The following TRAPPC9 variants were observed in gnomAD, a reference collection of about 807,000 sequenced individuals.
TRAPPC9 encodes the protein trafficking protein particle complex subunit 9.
Under a neutral mutation model 124.0 loss-of-function variants are expected in TRAPPC9, and 83 were observed. That is an observed-to-expected ratio of 0.67 (90% CI 0.56 to 0.80). TRAPPC9 has a LOEUF of 0.80. TRAPPC9 is among the 30% of genes least tolerant of loss of function. The pLI, the probability that TRAPPC9 is intolerant of heterozygous loss-of-function variation, is 0.00. For missense variants in TRAPPC9, 1,302 were observed against 1,508.3 expected (o/e 0.86, Z 2.27); for synonymous variants, 638 against 617.5 (o/e 1.03, Z -0.49).
chr8:139,817,045 A>AATACACACACACACACACACACACAC (rs1824887869), intron 21 of TRAPPC9, among the ~76,000 whole-genome samples: 1 of 135,288 alleles, frequency 7.4e-6, no homozygotes, highest in African/African-American at 2.9e-5. Context: ...ACATAAACTA[A>AATACACACACACACACACACACACAC]ACACACACAC....
chr8:140,230,890 CG>C (rs1272299904), intron 16 of TRAPPC9, among the ~76,000 whole-genome samples: 16 of 152,264 alleles, frequency 1.1e-4, no homozygotes, highest in African/African-American at 3.6e-4. Context: ...CCCTCTTCTG[CG>C]GAAATCATCA....
In TRAPPC9 at chr8:139,729,134, T is replaced by A. The variant is rs554389089; in HGVS notation, c.*1927A>T. 3.9e-5 allele frequency among the ~76,000 whole-genome samples: 6 copies of A among 152,346 alleles called. No individual in the cohort carries two copies. The South Asian group carries it at 1.2e-3, about 32-fold the overall frequency. On this transcript the variant is annotated 3_prime_UTR_variant, in exon 23 of 23. Coordinates refer to ENST00000438773, the MANE Select transcript of TRAPPC9 (RefSeq NM_001160372.4). ...AGCACCCTCATGCTGACATCAGATG[T>A]CAAATGCAACTCCAGTTCAGGTCAC...
chr8:140,359,854 G>T (rs910606946), intron 9 of TRAPPC9, among the ~76,000 whole-genome samples, 196 bp downstream of exon 9: 2 of 152,146 alleles, frequency 1.3e-5, no homozygotes, highest in Non-Finnish European at 2.9e-5. Flanking sequence ...GCGGGAGGAG[G>T]TGGCACAGGT....
At chr8:140,154,495 C>T (rs1353975012) in intron 17 of TRAPPC9, among the ~76,000 whole-genome samples, 1 of 152,172 alleles carries the variant, frequency 6.6e-6, no homozygotes, top group African/African-American at 2.4e-5. Context: ...ATCAATAATA[C>T]CCAACCCCAC....
At chr8:140,000,149 T>C (rs1439654831) in intron 18 of TRAPPC9, among the ~76,000 whole-genome samples, 1 of 152,294 alleles carries the variant, frequency 6.6e-6, no homozygotes, top group East Asian at 1.9e-4. Context: ...CCCTATTTAA[T>C]AAGTGGTGCT....
At chr8:140,413,369 C>A (rs1290384657) in intron 5 of TRAPPC9, among the ~76,000 whole-genome samples, 1 of 151,936 alleles carries the variant, frequency 6.6e-6, no homozygotes, top group African/African-American at 2.4e-5. Context: ...GCCTGGGCAA[C>A]AAAAGCGAGA....
chr8:140,404,772 G>A lies in TRAPPC9; in HGVS notation c.1008+805C>T, dbSNP rs149121769. ...CATGTGTGTACGTGCATGTGTGTGC[G>A]TGTGTGAGCATGCTTGTATGTATGT... is the stretch of plus-strand genomic sequence containing the variant. On this transcript the variant is annotated intron_variant, in intron 6 of 22. Coordinates refer to ENST00000438773, the MANE Select transcript of TRAPPC9 (RefSeq NM_001160372.4). Among the ~76,000 whole-genome samples the A allele has an allele frequency of 1.8e-3, 281 of 152,046 alleles. 2 individuals are homozygous for A. Among genetic ancestry groups the A allele is most frequent in the African/African-American group, 6.4e-3 (267 of 41,466 alleles).
At chr8:139,844,075 G>A (rs992095909) in intron 21 of TRAPPC9, among the ~76,000 whole-genome samples, 7 of 152,114 alleles carry the variant, frequency 4.6e-5, no homozygotes, top group Non-Finnish European at 7.4e-5. Context: ...AGGCTTCAGC[G>A]GCTTCCCAGA....
intron 21 of TRAPPC9, among the ~76,000 whole-genome samples, chr8:139,766,368 C>A (rs1467433205): frequency 6.6e-6 from 1 of 152,212 alleles, no homozygotes; most frequent in African/African-American, 2.4e-5. Flanking sequence ...TGCAGTAATG[C>A]CCCCAGGCTG....
At chr8:140,004,299 A>T (rs1053964478) in intron 18 of TRAPPC9, among the ~76,000 whole-genome samples, 1 of 152,178 alleles carries the variant, frequency 6.6e-6, no homozygotes, top group African/African-American at 2.4e-5. Flanking sequence ...GTTGCTCATT[A>T]AAGTTAGAAC....
chr8:140,187,991 G>A (rs1162318825), intron 17 of TRAPPC9, among the ~76,000 whole-genome samples: 1 of 152,134 alleles, frequency 6.6e-6, no homozygotes, highest in African/African-American at 2.4e-5. Context: ...GAGGAACTGG[G>A]CTCCTCCCAC....
intron 17 of TRAPPC9, among the ~76,000 whole-genome samples, chr8:140,052,341 A>G (rs1299024555): frequency 6.6e-6 from 1 of 152,234 alleles, no homozygotes; most frequent in Non-Finnish European, 1.5e-5. Context: ...CACAAAATAA[A>G]TAATGATAGT....
intron 19 of TRAPPC9, among the ~76,000 whole-genome samples, chr8:139,912,217 C>T (rs1563916678): frequency 6.6e-6 from 1 of 152,138 alleles, no homozygotes; most frequent in East Asian, 1.9e-4. Context: ...AAAATCACTA[C>T]ATATATATGT....
intron 17 of TRAPPC9, among the ~76,000 whole-genome samples, chr8:140,156,980 C>A (rs2061647035): frequency 8.2e-6 from 1 of 122,294 alleles, no homozygotes; most frequent in Non-Finnish European, 1.8e-5. Flanking sequence ...CAAAAGCCTC[C>A]CTTTCCATTC....
At chr8:139,912,134 G>A (rs1435599641) in intron 19 of TRAPPC9, among the ~76,000 whole-genome samples, 2 of 152,134 alleles carry the variant, frequency 1.3e-5, no homozygotes, top group East Asian at 3.8e-4. Context: ...GAAAATAAAA[G>A]CATTCAAATA....
intron 21 of TRAPPC9, among the ~76,000 whole-genome samples, chr8:139,850,859 C>T (rs1361391427): frequency 6.6e-6 from 1 of 152,194 alleles, no homozygotes; most frequent in Non-Finnish European, 1.5e-5. Context: ...TCCCAAAAAT[C>T]ACTTAATGAA....
chr8:140,109,191 C>T (rs898735723), intron 17 of TRAPPC9, among the ~76,000 whole-genome samples: 1 of 152,170 alleles, frequency 6.6e-6, no homozygotes, highest in South Asian at 2.1e-4. Context: ...GGGCCGAGCA[C>T]AGAGACAAAT....
intron 4 of TRAPPC9, among the ~76,000 whole-genome samples, chr8:140,428,947 G>C (rs1184269595): frequency 6.6e-6 from 1 of 152,022 alleles, no homozygotes; most frequent in East Asian, 1.9e-4. Context: ...TTTCCACACT[G>C]GCCAACCCCC....
chr8:140,382,415 C>A (rs1250891204), intron 7 of TRAPPC9, among the ~76,000 whole-genome samples: 4 of 152,204 alleles, frequency 2.6e-5, no homozygotes, highest in African/African-American at 7.2e-5. Context: ...ACAGATGACA[C>A]CTGGAAAATC....
Sources: allele counts gnomAD v4.1 joint callset (sites outside exome capture counted in the v4.1 genomes callset), GRCh38; gene constraint gnomAD v4.1.1; transcripts MANE v1.5; gene names NCBI Gene and HGNC (gene_info 2026-07-23, HGNC 2026-07-21).